Variants in SPOCK3 observed in about 807,000 individuals in gnomAD.
SPOCK3 encodes testican-3.
In SPOCK3, 30 loss-of-function variants were observed where a neutral mutation model predicts 56.6. That is an observed-to-expected ratio of 0.53 (90% confidence interval 0.40 to 0.72). The LOEUF (loss-of-function observed/expected upper bound fraction) is 0.72, where lower values mean the gene tolerates loss of function less well. SPOCK3 is among the 30% of genes least tolerant of loss of function. The pLI, the probability that SPOCK3 is intolerant of heterozygous loss-of-function variation, is 0.00. For missense variants in SPOCK3, 527 were observed against 530.0 expected, an observed-to-expected ratio of 0.99 and a Z score of 0.06; for synonymous variants, 196 against 183.3, an observed-to-expected ratio of 1.07 and a Z score of -0.56.
intron 6 of SPOCK3, among the ~76,000 whole-genome samples, chr4:166,833,821 C>G (rs1290638096): frequency 1.3e-5 from 2 of 152,128 alleles, no homozygotes; most frequent in African/African-American, 4.8e-5. Context: ...TAGCCAAACT[C>G]TGTCTTCTAT....
chr4:166,827,834 A>G (rs975770089), intron 6 of SPOCK3, among the ~76,000 whole-genome samples: 1 of 73,404 alleles, frequency 1.4e-5, no homozygotes, highest in Non-Finnish European at 3.1e-5. Context: ...CTTACTCATC[A>G]AGGGAAAAAA....
At chr4:166,794,718 C>G (rs1456250317) in intron 6 of SPOCK3, among the ~76,000 whole-genome samples, 1 of 149,272 alleles carries the variant, frequency 6.7e-6, no homozygotes, top group Non-Finnish European at 1.5e-5. Flanking sequence ...TCTCGGCTCA[C>G]TGCAACCTCT....
At chr4:166,744,588 A>T (rs1397340620) in intron 8 of SPOCK3, among the ~76,000 whole-genome samples, 1 of 152,182 alleles carries the variant, frequency 6.6e-6, no homozygotes, top group Non-Finnish European at 1.5e-5. Context: ...CCTCCAAAGG[A>T]ACGCAGCTCC....
intron 6 of SPOCK3, among the ~76,000 whole-genome samples, chr4:166,868,767 G>A (rs1257421185): frequency 6.6e-6 from 1 of 152,012 alleles, no homozygotes; most frequent in African/African-American, 2.4e-5. Flanking sequence ...ATAAAACAAT[G>A]GCTACATGCT....
At chr4:166,854,716 A>G (rs949223312) in intron 6 of SPOCK3, among the ~76,000 whole-genome samples, 1 of 152,188 alleles carries the variant, frequency 6.6e-6, no homozygotes, top group African/African-American at 2.4e-5. Flanking sequence ...AGATACAGCA[A>G]AACTGTTTTC....
At chr4:167,136,236 T>G (rs1247574495) in intron 2 of SPOCK3, among the ~76,000 whole-genome samples, 1 of 151,952 alleles carries the variant, frequency 6.6e-6, no homozygotes, top group Non-Finnish European at 1.5e-5. Context: ...GAACCACTGT[T>G]CTATGGCCAT....
chr4:167,124,579 C>T (rs1046595945), intron 2 of SPOCK3, among the ~76,000 whole-genome samples: 1 of 152,222 alleles, frequency 6.6e-6, no homozygotes, highest in African/African-American at 2.4e-5. Flanking sequence ...ATCCTGTCAA[C>T]AGCGTAACCC....
At position 167,226,539 on chromosome 4, in the gene SPOCK3, G is replaced by A. The variant is rs114630692; in HGVS notation, c.189+7446C>T. ...GATTGAAAGAGCATAACCAGATACC[G>A]TAGTTACCAACATTTTCTCCGAGTA... is the stretch of plus-strand genomic sequence containing the variant. On this transcript the variant is annotated intron_variant, in intron 2 of 10. Coordinates refer to ENST00000357545, the MANE Select transcript of SPOCK3 (RefSeq NM_001040159.2). 3.1e-3 allele frequency among the ~76,000 whole-genome samples: 469 copies of A among 152,226 alleles called. 4 individuals carry two copies. The highest frequency in any genetic ancestry group is 0.011 in the African/African-American group (439 of 41,544).
intron 5 of SPOCK3, among the ~76,000 whole-genome samples, chr4:166,891,774 T>C (rs141329369): frequency 1.3e-3 from 196 of 152,132 alleles, no homozygotes; most frequent in African/African-American, 4.6e-3. Flanking sequence ...ACCCTGAACT[T>C]TCTCATATAA....
intron 2 of SPOCK3, among the ~76,000 whole-genome samples, chr4:167,173,824 T>G (rs1486175222): frequency 6.6e-6 from 1 of 152,106 alleles, no homozygotes; most frequent in Non-Finnish European, 1.5e-5. Context: ...AAATTAGTGA[T>G]TGTAGCCTTA....
intron 2 of SPOCK3, among the ~76,000 whole-genome samples, chr4:167,182,972 G>T (rs1179141652): frequency 6.6e-6 from 1 of 152,168 alleles, no homozygotes; most frequent in African/African-American, 2.4e-5. Context: ...ATCCTGCCAT[G>T]TGATTTGCTT....
At chr4:167,187,274 T>G (rs942794040) in intron 2 of SPOCK3, among the ~76,000 whole-genome samples, 2 of 151,752 alleles carry the variant, frequency 1.3e-5, no homozygotes, top group African/African-American at 2.4e-5. Context: ...GTTCCAGTTT[T>G]TTTTTTTTTT....
At chr4:167,147,328 CA>C (rs970523560) in intron 2 of SPOCK3, among the ~76,000 whole-genome samples, 1 of 151,968 alleles carries the variant, frequency 6.6e-6, no homozygotes, top group African/African-American at 2.4e-5. Flanking sequence ...GCCTCCCAAC[CA>C]AAAAAAGTCC....
intron 7 of SPOCK3, among the ~76,000 whole-genome samples, chr4:166,790,994 T>A (rs1431037515): frequency 6.6e-6 from 1 of 152,118 alleles, no homozygotes; most frequent in African/African-American, 2.4e-5. Flanking sequence ...CTCAAAGGCA[T>A]CAAAATATTT....
chr4:166,844,071 C>A (rs141818363), intron 6 of SPOCK3, among the ~76,000 whole-genome samples: 10 of 152,286 alleles, frequency 6.6e-5, no homozygotes, highest in African/African-American at 1.9e-4. Flanking sequence ...CAACAGAGTG[C>A]GGCTGAGCCA....
intron 4 of SPOCK3, among the ~76,000 whole-genome samples, chr4:166,924,830 C>T (rs1034056671): frequency 1.2e-4 from 19 of 152,322 alleles, no homozygotes; most frequent in African/African-American, 4.6e-4. Context: ...CTGAAATGGG[C>T]AACTTAATCT....
At chr4:166,835,194 T>C (rs1746487405) in intron 6 of SPOCK3, among the ~76,000 whole-genome samples, 1 of 152,132 alleles carries the variant, frequency 6.6e-6, no homozygotes, top group African/African-American at 2.4e-5. Flanking sequence ...TACTGACTTA[T>C]ACCTTAGAGT....
intron 6 of SPOCK3, among the ~76,000 whole-genome samples, chr4:166,885,202 C>T (rs1734069203): frequency 6.7e-6 from 1 of 150,062 alleles, no homozygotes; most frequent in Non-Finnish European, 1.5e-5. Flanking sequence ...GCAATATTAC[C>T]CCAATTCAAT....
intron 2 of SPOCK3, among the ~76,000 whole-genome samples, chr4:167,130,398 A>AACATATATATACATAACAT (rs1762611569): frequency 1.3e-5 from 2 of 152,202 alleles, no homozygotes; most frequent in Admixed American, 6.5e-5. Context: ...ACTAGTGGGT[A>AACATATATATACATAACAT]ATATATGGAA....
Sources: gnomAD v4.1 joint callset for allele counts (sites outside exome capture counted in the v4.1 genomes callset) on GRCh38, gnomAD v4.1.1 for gene constraint, MANE v1.5 for transcripts, NCBI Gene and HGNC (gene_info 2026-07-23, HGNC 2026-07-21) for gene names.